Variants in REPS1 observed in about 807,000 individuals in gnomAD.
The protein encoded by REPS1 is RALBP1 associated Eps domain containing 1, also known as ralBP1-associated Eps domain-containing protein 1.
REPS1 carries 39 observed loss-of-function variants against 100.9 expected under a neutral mutation model. That is an observed-to-expected ratio of 0.39 (90% confidence interval 0.30 to 0.50). The LOEUF (loss-of-function observed/expected upper bound fraction) is 0.50. Among genes scored for constraint, REPS1 ranks in the 20% least tolerant of loss-of-function variants. The pLI, the probability that REPS1 is intolerant of heterozygous loss-of-function variation, is 0.86. For missense variants in REPS1, 821 were observed against 968.5 expected (o/e 0.85, Z 2.02); for synonymous variants, 324 against 340.3 (o/e 0.95, Z 0.53).
At position 138,978,371 on chromosome 6, in the gene REPS1, C is replaced by T. The variant is rs562232465; in HGVS notation, c.153+9159G>A. Reference sequence around the variant, plus strand: ...TGGCGCAATCTCGGGTCTCTCTGACCTCTGCCTCCCTGACCTCTGCCTCCC... The same window carrying T: ...TGGCGCAATCTCGGGTCTCTCTGACTTCTGCCTCCCTGACCTCTGCCTCCC... On this transcript the variant is annotated intron_variant, in intron 1 of 19. Transcript: ENST00000450536. Among the ~76,000 whole-genome samples the T allele has an allele frequency of 1.8e-3, 252 of 143,824 alleles. 1 individual carries two copies. The highest frequency in any genetic ancestry group is 7.2e-3 in the African/African-American group (246 of 34,172). The allele number at this position is 143,824 out of a possible 152,430, so 94.4% of individuals were successfully genotyped here.
intron 10 of REPS1, among the ~76,000 whole-genome samples, chr6:138,925,460 AGAT>A (rs1304037939): frequency 6.6e-6 from 1 of 152,258 alleles, no homozygotes; most frequent in Non-Finnish European, 1.5e-5. Flanking sequence ...AAATCTCTTT[AGAT>A]GACAAGACCA....
chr6:138,929,621 T>A (rs115397209), intron 9 of REPS1: 3,348 of 173,950 alleles, frequency 0.019, 128 homozygotes, highest in African/African-American at 0.075. Context: ...TGTGACACAG[T>A]GGATGTGGCA....
chr6:138,969,526 T>C (rs935600810), intron 1 of REPS1, among the ~76,000 whole-genome samples: 2 of 150,350 alleles, frequency 1.3e-5, no homozygotes, highest in African/African-American at 4.9e-5. Context: ...TGGGCTCAAG[T>C]GATCCATCTG....
At chr6:138,929,713 C>A (rs1247184258) in intron 9 of REPS1, 2 of 293,260 alleles carry the variant, frequency 6.8e-6, no homozygotes, top group Non-Finnish European at 1.3e-5. Context: ...AAGTCATTTA[C>A]CTTTTGATGG....
intron 1 of REPS1, 62 bp downstream of exon 1, chr6:138,987,468 C>CACTCCT: frequency 7.1e-7 from 1 of 1,418,270 alleles, no homozygotes. Context: ...CGCCCACTCC[C>CACTCCT]ACTCCTGGAG....
intron 8 of REPS1, among the ~76,000 whole-genome samples, chr6:138,934,019 G>A (rs1282153302): frequency 6.6e-6 from 1 of 152,122 alleles, no homozygotes; most frequent in Non-Finnish European, 1.5e-5. Context: ...AATTGTTTCT[G>A]GGATAAATTA....
At chr6:138,976,909 C>A (rs1279852008) in intron 1 of REPS1, among the ~76,000 whole-genome samples, 1 of 152,166 alleles carries the variant, frequency 6.6e-6, no homozygotes, top group Non-Finnish European at 1.5e-5. Context: ...ATCAGTACAT[C>A]ATCTTTCAAA....
intron 1 of REPS1, among the ~76,000 whole-genome samples, chr6:138,972,246 A>G (rs1356337145): frequency 1.3e-5 from 2 of 152,214 alleles, no homozygotes; most frequent in Admixed American, 1.3e-4. Flanking sequence ...AATAAGCACG[A>G]AAGTGAGGAG....
chr6:138,911,177 G>A, intron 17 of REPS1, 99 bp downstream of exon 17: 1 of 782,672 alleles, frequency 1.3e-6, no homozygotes, highest in Admixed American at 2.1e-5. Context: ...TAAAGGCAGA[G>A]AAATGGGTTA....
Position 138,987,591 on chromosome 6 carries a change from A to G in REPS1, c.92T>C (p.Val31Ala). Residue 31 changes from valine to alanine, a missense_variant, in exon 1 of 20, where the codon GTC becomes GCC. By Grantham distance (64) the Val-to-Ala change is moderately conservative. This residue lies in a region of REPS1 where 36 missense variants were observed against 36.7 expected (regional missense o/e 0.98). Coordinates refer to ENST00000450536, the MANE Select transcript of REPS1 (RefSeq NM_001286611.2). ...CDIESTKKVV[V>A]NGRVLELFRA... is the part of the protein sequence containing the mutation. The stretch of plus-strand genomic sequence containing the variant: ...GAACAGCTCCAGCACCCGCCCGTTG[A>G]CCACCACCTTCTTGGTGCTCTCAAT... 1.3e-6 allele frequency: 2 copies of G among 1,550,966 alleles called. No homozygotes were observed. The highest frequency in any genetic ancestry group is 1.7e-6 in the Non-Finnish European group (2 of 1,146,672).
intron 1 of REPS1, among the ~76,000 whole-genome samples, chr6:138,981,861 C>T (rs992201216): frequency 7.2e-5 from 11 of 152,142 alleles, no homozygotes; most frequent in Non-Finnish European, 2.9e-5. Context: ...ATGTTTGGCA[C>T]GAATTCCCAA....
rs377196783 is a variant in REPS1, at chr6:138,914,216, C to T, written c.1785+481G>A. Among the ~76,000 whole-genome samples, 243 of 151,682 alleles carry T rather than the reference C, an allele frequency of 1.6e-3. 4 individuals are homozygous for T. In the South Asian group the frequency reaches 0.033, roughly 21 times the overall value. On this transcript the variant is annotated intron_variant, in intron 15 of 19. Transcript: ENST00000450536. ...TCCCAAGTAGCTGGGACTACAGGTG[C>T]ACACCACCACACCCAGCTAATTTTT...
intron 1 of REPS1, among the ~76,000 whole-genome samples, chr6:138,960,775 C>T (rs956682462): frequency 2.0e-5 from 3 of 152,092 alleles, no homozygotes; most frequent in African/African-American, 7.2e-5. Context: ...CAATATAAAT[C>T]CGAAACCACA....
chr6:138,936,628 G>GGC (rs79875634), intron 8 of REPS1, among the ~76,000 whole-genome samples: 2 of 134,850 alleles, frequency 1.5e-5, no homozygotes, highest in African/African-American at 5.6e-5. Flanking sequence ...TGTTTGGGGG[G>GGC]GGGTAGAGGT....
At chr6:138,961,563 A>G (rs1439180044) in intron 1 of REPS1, among the ~76,000 whole-genome samples, 1 of 152,202 alleles carries the variant, frequency 6.6e-6, no homozygotes, top group Non-Finnish European at 1.5e-5. Context: ...AGCATACAAT[A>G]TTAGCACAGT....
chr6:138,923,783 T>C (rs148935908), intron 10 of REPS1, among the ~76,000 whole-genome samples: 9 of 152,326 alleles, frequency 5.9e-5, no homozygotes, highest in Middle Eastern at 6.8e-3. Flanking sequence ...CTCTAAATGC[T>C]ACAGACCAGT....
At chr6:138,943,475 G>A (rs1283925467) in intron 7 of REPS1, 38 bp downstream of exon 7, 2 of 1,308,306 alleles carry the variant, frequency 1.5e-6, no homozygotes, top group African/African-American at 1.5e-5. Context: ...CTCCTTGGAA[G>A]CAACCCAGTT....
intron 1 of REPS1, among the ~76,000 whole-genome samples, chr6:138,986,704 C>CAGAGTAGCTATTAAACAGTAGCT (rs1422846425): frequency 9.2e-5 from 14 of 152,204 alleles, no homozygotes; most frequent in Admixed American, 7.9e-4. Flanking sequence ...AGCTATGAAT[C>CAGAGTAGCTATTAAACAGTAGCT]ATTAAACAGA....
chr6:138,953,883 C>T (rs1283651254), intron 1 of REPS1, among the ~76,000 whole-genome samples: 1 of 152,112 alleles, frequency 6.6e-6, no homozygotes, highest in Non-Finnish European at 1.5e-5. Context: ...CAGAGAGACA[C>T]TGCACCCCCA....
Sources: gnomAD v4.1 joint callset for allele counts (sites outside exome capture counted in the v4.1 genomes callset) on GRCh38, gnomAD v4.1.1 for gene constraint, gnomAD v4.1.1 regional missense constraint, MANE v1.5 for transcripts, NCBI Gene and HGNC (gene_info 2026-07-23, HGNC 2026-07-21) for gene names.